Variants in CNTNAP5 observed in about 807,000 individuals in gnomAD.
CNTNAP5 encodes contactin associated protein family member 5.
Under a neutral mutation model 150.2 loss-of-function variants are expected in CNTNAP5, and 72 were observed. The ratio of observed to expected loss-of-function variants is 0.48; its 90% CI spans 0.40 to 0.58. The LOEUF (loss-of-function observed/expected upper bound fraction) is 0.58, where lower values mean the gene tolerates loss of function less well. CNTNAP5 is among the 20% of genes least tolerant of loss of function. The probability of loss-of-function intolerance (pLI) is 0.00; values close to 1 mark genes in which losing one functional copy is unlikely to be tolerated. For missense variants in CNTNAP5, 1,636 were observed against 1,626.2 expected (o/e 1.01, Z -0.10); for synonymous variants, 672 against 619.8 (o/e 1.08, Z -1.25).
At chr2:124,723,881 C>T (rs1680098719) in intron 13 of CNTNAP5, among the ~76,000 whole-genome samples, 1 of 152,100 alleles carries the variant, frequency 6.6e-6, no homozygotes, top group African/African-American at 2.4e-5. Flanking sequence ...TGCAGTGTCT[C>T]ATGCCTGTAA....
intron 19 of CNTNAP5, among the ~76,000 whole-genome samples, chr2:124,837,787 G>A (rs1387222007): frequency 6.6e-6 from 1 of 152,134 alleles, no homozygotes; most frequent in Non-Finnish European, 1.5e-5. Context: ...TTGAACTTGA[G>A]ATGAGGATTA....
At chr2:124,536,305 C>A (rs1388323431) in intron 10 of CNTNAP5, among the ~76,000 whole-genome samples, 2 of 152,196 alleles carry the variant, frequency 1.3e-5, no homozygotes, top group African/African-American at 4.8e-5. Context: ...CCATAGTCTG[C>A]AAGGCCTACC....
chr2:124,604,329 G>A (rs369661918), intron 11 of CNTNAP5, among the ~76,000 whole-genome samples: 4 of 151,926 alleles, frequency 2.6e-5, no homozygotes, highest in Admixed American at 6.6e-5. Context: ...TAGCAATATC[G>A]TTTAAAATGA....
chr2:124,600,817 A>G (rs1696971168), intron 11 of CNTNAP5, among the ~76,000 whole-genome samples: 1 of 152,016 alleles, frequency 6.6e-6, no homozygotes, highest in Non-Finnish European at 1.5e-5. Flanking sequence ...AGGGCAAGAA[A>G]ATGTTGAAAG....
chr2:124,109,604 G>C (rs990719296), intron 1 of CNTNAP5, among the ~76,000 whole-genome samples: 1 of 152,142 alleles, frequency 6.6e-6, no homozygotes, highest in African/African-American at 2.4e-5. Flanking sequence ...ACCAGAGACC[G>C]ATTTCCCTGC....
intron 3 of CNTNAP5, among the ~76,000 whole-genome samples, chr2:124,403,238 A>C (rs1691474585): frequency 6.6e-6 from 1 of 152,170 alleles, no homozygotes; most frequent in South Asian, 2.1e-4. Flanking sequence ...ATACACTGTC[A>C]TACAAAGATA....
chr2:124,040,259 C>T (rs970298228), intron 1 of CNTNAP5, among the ~76,000 whole-genome samples: 4 of 151,998 alleles, frequency 2.6e-5, no homozygotes, highest in Admixed American at 2.6e-4. Context: ...CAAATGTATT[C>T]GGCTTGACAT....
chr2:124,358,543 C>A (rs1317741243), intron 3 of CNTNAP5, among the ~76,000 whole-genome samples: 1 of 152,134 alleles, frequency 6.6e-6, no homozygotes, highest in Non-Finnish European at 1.5e-5. Context: ...AAGGCTTTTT[C>A]TGCATCTATT....
intron 11 of CNTNAP5, among the ~76,000 whole-genome samples, chr2:124,569,205 C>T (rs914750129): frequency 2.6e-5 from 4 of 152,212 alleles, no homozygotes; most frequent in East Asian, 3.9e-4. Flanking sequence ...ACTCTTATTA[C>T]GGTTTACACT....
chr2:124,870,769 G>A (rs147691571), intron 21 of CNTNAP5, among the ~76,000 whole-genome samples: 51 of 152,122 alleles, frequency 3.4e-4, no homozygotes, highest in East Asian at 5.8e-4. Context: ...TGACTTCCTC[G>A]TGCCCCATAC....
intron 3 of CNTNAP5, among the ~76,000 whole-genome samples, chr2:124,347,371 G>A (rs544494681): frequency 2.6e-5 from 4 of 152,200 alleles, no homozygotes; most frequent in African/African-American, 9.6e-5. Context: ...TGAGGGGGCG[G>A]GGGCACAAGC....
chr2:124,221,242 C>T (rs896400575), intron 1 of CNTNAP5, among the ~76,000 whole-genome samples: 3 of 152,150 alleles, frequency 2.0e-5, no homozygotes, highest in African/African-American at 7.2e-5. Flanking sequence ...TCCTACTCCT[C>T]TAGACACAAT....
At chr2:124,348,427 C>T (rs1380150526) in intron 3 of CNTNAP5, among the ~76,000 whole-genome samples, 1 of 152,150 alleles carries the variant, frequency 6.6e-6, no homozygotes, top group African/African-American at 2.4e-5. Context: ...CTTTCTGTCT[C>T]TCACTATTAA....
At chr2:124,387,145 T>C (rs1157084757) in intron 3 of CNTNAP5, among the ~76,000 whole-genome samples, 1 of 152,230 alleles carries the variant, frequency 6.6e-6, no homozygotes, top group Non-Finnish European at 1.5e-5. Context: ...TATTTGGTTA[T>C]AGCAATCAGA....
chr2:124,327,528 G>A (rs896740989), intron 3 of CNTNAP5, among the ~76,000 whole-genome samples: 1 of 152,082 alleles, frequency 6.6e-6, no homozygotes, highest in African/African-American at 2.4e-5. Flanking sequence ...CATCAACACA[G>A]ACCTTAAATC....
intron 3 of CNTNAP5, among the ~76,000 whole-genome samples, chr2:124,280,239 C>T (rs1687980425): frequency 6.6e-6 from 1 of 151,990 alleles, no homozygotes; most frequent in Admixed American, 6.6e-5. Flanking sequence ...ACGATCTCAG[C>T]TCACTGAAAC....
intron 10 of CNTNAP5, among the ~76,000 whole-genome samples, chr2:124,551,297 T>C (rs913520504): frequency 2.0e-5 from 3 of 152,168 alleles, no homozygotes; most frequent in African/African-American, 4.8e-5. Context: ...CTTTTGACAC[T>C]TTTCTTTTTA....
chr2:124,654,507 T>A (rs1244995537), intron 13 of CNTNAP5, among the ~76,000 whole-genome samples: 3 of 152,140 alleles, frequency 2.0e-5, no homozygotes, highest in Non-Finnish European at 4.4e-5. Flanking sequence ...TGTGGAAGGC[T>A]GTGACCACCT....
intron 16 of CNTNAP5, among the ~76,000 whole-genome samples, chr2:124,769,733 G>T (rs1443036956): frequency 1.3e-5 from 2 of 152,136 alleles, no homozygotes; most frequent in Non-Finnish European, 2.9e-5. Context: ...AGGTGTGGAG[G>T]TTTTATCGCA....
Sources: gnomAD v4.1 joint callset for allele counts (sites outside exome capture counted in the v4.1 genomes callset) on GRCh38, gnomAD v4.1.1 for gene constraint, MANE v1.5 for transcripts, NCBI Gene and HGNC (gene_info 2026-07-23, HGNC 2026-07-21) for gene names.